Variants in FBXO11 observed in about 807,000 individuals in gnomAD.
FBXO11 encodes F-box only protein 11.
Under a neutral mutation model 117.0 loss-of-function variants are expected in FBXO11, and 13 were observed. The ratio of observed to expected loss-of-function variants is 0.11; its 90% CI spans 0.07 to 0.18. The LOEUF is 0.18. Ranked by LOEUF, FBXO11 falls within the 10% of genes least tolerant of loss-of-function variation. The pLI, the probability that FBXO11 is intolerant of heterozygous loss-of-function variation, is 1.00. For missense variants in FBXO11, 767 were observed against 1,164.4 expected, an observed-to-expected ratio of 0.66 and a Z score of 4.97; for synonymous variants, 490 against 380.5, an observed-to-expected ratio of 1.29 and a Z score of -3.35.
At chr2:47,885,149 T>A (rs1165915128) in intron 1 of FBXO11, among the ~76,000 whole-genome samples, 1 of 152,180 alleles carries the variant, frequency 6.6e-6, no homozygotes, top group Non-Finnish European at 1.5e-5. Context: ...AGCAAACACC[T>A]GAGGCTGAGA....
At chr2:47,814,681 C>T (rs937410572) in intron 16 of FBXO11, among the ~76,000 whole-genome samples, 5 of 152,128 alleles carry the variant, frequency 3.3e-5, no homozygotes, top group Non-Finnish European at 7.4e-5. Context: ...ACCTGACCAA[C>T]TGGCAATCTC....
At chr2:47,885,942 T>C (rs534119577) in intron 1 of FBXO11, among the ~76,000 whole-genome samples, 28 of 151,956 alleles carry the variant, frequency 1.8e-4, no homozygotes, top group African/African-American at 6.5e-4. Flanking sequence ...TCCAAACCAT[T>C]TCAACCCTAA....
intron 1 of FBXO11, among the ~76,000 whole-genome samples, chr2:47,901,054 CATATATATGTATATAT>C (rs1194573242): frequency 1.8e-5 from 2 of 109,814 alleles, no homozygotes; most frequent in East Asian, 6.4e-4. Flanking sequence ...CATATATACA[CATATATATGTATATAT>C]ATACACACGT....
intron 1 of FBXO11, among the ~76,000 whole-genome samples, chr2:47,862,420 TAAG>T (rs1374660929): frequency 6.6e-6 from 1 of 152,040 alleles, no homozygotes; most frequent in Non-Finnish European, 1.5e-5. Context: ...AAAATGAAAA[TAAG>T]AATCAAAATC....
Position 47,809,252 on chromosome 2 carries a change from T to A in FBXO11, c.2461A>T (p.Asn821Tyr). 1 of 1,585,244 alleles carries A rather than the reference T, an allele frequency of 6.3e-7. No homozygotes were observed. The highest frequency in any genetic ancestry group is 8.6e-7 in the Non-Finnish European group (1 of 1,160,788). Residue 821 changes from asparagine to tyrosine, a missense_variant, in exon 21 of 23, where the codon AAC (asparagine) becomes TAC (tyrosine). Transcript: ENST00000403359. ...NVTMKDNKIM[N>Y]NQDAIEKAVS... Reference sequence around the variant, plus strand: ...GCCTTTTCTATGGCATCTTGATTGTTCATTATTTTGTTATCTGTAATAAAA... The same window carrying A: ...GCCTTTTCTATGGCATCTTGATTGTACATTATTTTGTTATCTGTAATAAAA...
intron 13 of FBXO11, among the ~76,000 whole-genome samples, 185 bp from the exon 14 acceptor site, chr2:47,820,641 A>G (rs1181649607): frequency 1.3e-5 from 2 of 152,202 alleles, no homozygotes; most frequent in Non-Finnish European, 2.9e-5. Context: ...TAGCTATGCT[A>G]TAGTTGTGGA....
intron 18 of FBXO11, among the ~76,000 whole-genome samples, chr2:47,812,508 A>G (rs769277176): frequency 6.6e-6 from 1 of 152,204 alleles, no homozygotes; most frequent in Non-Finnish European, 1.5e-5. Context: ...GAGATACGTC[A>G]CTTTACTGAA....
chr2:47,829,786 A>C (rs2104788376), intron 11 of FBXO11, among the ~76,000 whole-genome samples: 2 of 152,364 alleles, frequency 1.3e-5, no homozygotes, highest in South Asian at 4.1e-4. Flanking sequence ...ATTTACTTCA[A>C]AATAATCCAG....
intron 1 of FBXO11, among the ~76,000 whole-genome samples, chr2:47,877,470 C>G (rs1394327276): frequency 6.6e-6 from 1 of 152,162 alleles, no homozygotes; most frequent in East Asian, 1.9e-4. Flanking sequence ...TATCAGTACA[C>G]AGAAAACATT....
At chr2:47,825,368 T>G (rs1488366472) in intron 11 of FBXO11, among the ~76,000 whole-genome samples, 9 of 152,008 alleles carry the variant, frequency 5.9e-5, no homozygotes, top group Admixed American at 2.0e-4. Context: ...TAAAAGTGAA[T>G]ACACACTGGG....
intron 4 of FBXO11, among the ~76,000 whole-genome samples, chr2:47,838,345 T>C (rs1338021165): frequency 2.0e-5 from 3 of 152,076 alleles, no homozygotes; most frequent in African/African-American, 7.2e-5. Flanking sequence ...TCTGGATATT[T>C]AGATTATTTA....
chr2:47,878,703 T>C (rs1572893233), intron 1 of FBXO11, among the ~76,000 whole-genome samples: 1 of 149,634 alleles, frequency 6.7e-6, no homozygotes, highest in Non-Finnish European at 1.5e-5. Flanking sequence ...CTCAGCCAGG[T>C]GCGGTGGCTC....
chr2:47,848,226 CG>C (rs2103619651), intron 1 of FBXO11, among the ~76,000 whole-genome samples: 1 of 152,296 alleles, frequency 6.6e-6, no homozygotes, highest in African/African-American at 2.4e-5. Context: ...TCCCCAACCC[CG>C]GGGCCAGTTA....
At chr2:47,862,420 T>C (rs911417472) in intron 1 of FBXO11, among the ~76,000 whole-genome samples, 1 of 152,040 alleles carries the variant, frequency 6.6e-6, no homozygotes. Context: ...AAAATGAAAA[T>C]AAGAATCAAA....
At chr2:47,848,600 A>C (rs972576429) in intron 1 of FBXO11, among the ~76,000 whole-genome samples, 3 of 152,222 alleles carry the variant, frequency 2.0e-5, no homozygotes, top group African/African-American at 7.2e-5. Flanking sequence ...ATAATATCAA[A>C]ATTTATTTTA....
At chr2:47,901,125 G>GTATATATA (rs1396541573) in intron 1 of FBXO11, among the ~76,000 whole-genome samples, 18 of 92,476 alleles carry the variant, frequency 1.9e-4, no homozygotes, top group Admixed American at 3.2e-4. Flanking sequence ...ACACACGTGT[G>GTATATATA]TACATGTATA....
intron 19 of FBXO11, 140 bp from the exon 20 acceptor site, chr2:47,809,847 C>T (rs1670487562): frequency 1.7e-6 from 1 of 571,714 alleles, no homozygotes; most frequent in African/African-American, 1.9e-5. Flanking sequence ...AATGTAGATA[C>T]CTATTTCAAC....
At chr2:47,832,185 C>A (rs1233732545) in intron 11 of FBXO11, among the ~76,000 whole-genome samples, 164 bp downstream of exon 11, 3 of 152,136 alleles carry the variant, frequency 2.0e-5, no homozygotes, top group African/African-American at 7.2e-5. Context: ...CATAAATTTA[C>A]AGAATAAATA....
chr2:47,855,606 G>C (rs1274311163), intron 1 of FBXO11, among the ~76,000 whole-genome samples: 4 of 152,110 alleles, frequency 2.6e-5, no homozygotes, highest in African/African-American at 9.7e-5. Flanking sequence ...GGCCAGAGTG[G>C]GCTGATCACC....
Sources: allele counts gnomAD v4.1 joint callset (sites outside exome capture counted in the v4.1 genomes callset), GRCh38; gene constraint gnomAD v4.1.1; transcripts MANE v1.5; gene names NCBI Gene and HGNC (gene_info 2026-07-23, HGNC 2026-07-21).